The following PARPBP variants were observed in gnomAD, a reference collection of about 807,000 sequenced individuals.
The protein encoded by PARPBP is PARP1 binding protein.
In PARPBP, 52 loss-of-function variants were observed where a neutral mutation model predicts 50.0. The ratio of observed to expected loss-of-function variants is 1.04; its 90% CI spans 0.83 to 1.31. PARPBP has a LOEUF of 1.31. Among genes scored for constraint, PARPBP ranks in the 50% most tolerant of loss-of-function variants. The pLI, the probability that PARPBP is intolerant of heterozygous loss-of-function variation, is 0.00. For missense variants in PARPBP, 697 were observed against 672.0 expected, an observed-to-expected ratio of 1.04 and a Z score of -0.41; for synonymous variants, 244 against 232.1, an observed-to-expected ratio of 1.05 and a Z score of -0.47.
At chr12:102,182,977 ATGTG>A (rs1594616533) in intron 9 of PARPBP, among the ~76,000 whole-genome samples, 1 of 152,234 alleles carries the variant, frequency 6.6e-6, no homozygotes, top group East Asian at 1.9e-4. Flanking sequence ...ATCTCAAGAT[ATGTG>A]ATTTTAAATT....
chr12:102,146,123 GA>G (rs1320584083), intron 2 of PARPBP, among the ~76,000 whole-genome samples: 1 of 152,132 alleles, frequency 6.6e-6, no homozygotes, highest in Non-Finnish European at 1.5e-5. Flanking sequence ...TCAATATGGT[GA>G]AAATGGCCAT....
chr12:102,132,867 C>T (rs1003763489), intron 2 of PARPBP, among the ~76,000 whole-genome samples: 9 of 151,902 alleles, frequency 5.9e-5, no homozygotes, highest in Non-Finnish European at 1.0e-4. Context: ...GCAGATCTTT[C>T]ATCTTCTTGG....
chr12:102,126,379 A>G (rs1881997913), intron 2 of PARPBP, among the ~76,000 whole-genome samples: 1 of 152,210 alleles, frequency 6.6e-6, no homozygotes, highest in Non-Finnish European at 1.5e-5. Context: ...CTATTTAGTC[A>G]TGCTTTAAAA....
chr12:102,176,543 G>A (rs1465056300), intron 7 of PARPBP, among the ~76,000 whole-genome samples: 1 of 151,750 alleles, frequency 6.6e-6, no homozygotes, highest in Non-Finnish European at 1.5e-5. Context: ...TTTTTACAGA[G>A]ATAATTAAAT....
intron 9 of PARPBP, among the ~76,000 whole-genome samples, chr12:102,184,663 A>G (rs866512238): frequency 9.2e-5 from 14 of 152,206 alleles, no homozygotes; most frequent in African/African-American, 3.4e-4. Context: ...TAGTCTATAC[A>G]GCTCTGAATC....
chr12:102,176,008 G>C (rs1196024747), intron 7 of PARPBP, among the ~76,000 whole-genome samples: 1 of 149,622 alleles, frequency 6.7e-6, no homozygotes, highest in Non-Finnish European at 1.5e-5. Flanking sequence ...TTGAGACGGA[G>C]TTTCACTCTT....
intron 2 of PARPBP, 81 bp downstream of exon 2, chr12:102,124,122 G>C: frequency 1.1e-6 from 1 of 946,436 alleles, no homozygotes. Context: ...TTAAGCTTAA[G>C]AATATTAATT....
intron 2 of PARPBP, among the ~76,000 whole-genome samples, chr12:102,129,267 A>G (rs1291371317): frequency 2.0e-5 from 3 of 152,140 alleles, no homozygotes; most frequent in African/African-American, 2.4e-5. Flanking sequence ...GACTGTGGGC[A>G]TACGCCACTG....
At chr12:102,156,248 G>A (rs1404518169) in intron 4 of PARPBP, among the ~76,000 whole-genome samples, 3 of 139,658 alleles carry the variant, frequency 2.1e-5, no homozygotes, top group Non-Finnish European at 3.0e-5. Context: ...GTGCAGTGGC[G>A]CAATCTCGGC....
intron 2 of PARPBP, among the ~76,000 whole-genome samples, chr12:102,128,070 AAC>A (rs1882283344): frequency 6.6e-6 from 1 of 152,226 alleles, no homozygotes; most frequent in African/African-American, 2.4e-5. Context: ...TCAAGGATAC[AAC>A]AGTGTTATTA....
chr12:102,132,202 C>A (rs1431028692), intron 2 of PARPBP, among the ~76,000 whole-genome samples: 1 of 150,046 alleles, frequency 6.7e-6, no homozygotes, highest in Non-Finnish European at 1.5e-5. Flanking sequence ...CAGAGCGAGA[C>A]CCTGTCTCAA....
chr12:102,158,413 A>T (rs1463866320), intron 4 of PARPBP, among the ~76,000 whole-genome samples: 1 of 152,232 alleles, frequency 6.6e-6, no homozygotes, highest in African/African-American at 2.4e-5. Context: ...AGTTACACTC[A>T]TTAATCTTTG....
In PARPBP at chr12:102,124,053, A is replaced by C. The variant is rs1456753406; in HGVS notation, c.153+12A>C. On this transcript the variant is annotated intron_variant, in intron 2 of 10. Transcript: ENST00000327680. ...AGAACAACAAACAGGTTGGTAAACT[A>C]TATTTGGGTTAACTTGTTTTTTTAA... is the stretch of plus-strand genomic sequence containing the variant. 6.5e-7 allele frequency: 1 copy of C among 1,527,148 alleles called. No homozygotes were observed. Among genetic ancestry groups the C allele is most frequent in the Non-Finnish European group, 8.8e-7 (1 of 1,141,126 alleles). The allele number at this position is 1,527,148 out of a possible 1,614,324, so 94.6% of individuals were successfully genotyped here.
chr12:102,150,302 A>G (rs961818035), intron 3 of PARPBP: 13 of 454,332 alleles, frequency 2.9e-5, no homozygotes, highest in South Asian at 4.7e-5. Flanking sequence ...ACAGGAAAAT[A>G]TATCCCTAGA....
At chr12:102,130,824 C>T (rs769040766) in intron 2 of PARPBP, among the ~76,000 whole-genome samples, 1 of 150,550 alleles carries the variant, frequency 6.6e-6, no homozygotes, top group Non-Finnish European at 1.5e-5. Flanking sequence ...CACTGCACCA[C>T]AGCCCAGGCA....
chr12:102,123,014 T>A (rs1881393978), intron 1 of PARPBP, among the ~76,000 whole-genome samples: 1 of 152,210 alleles, frequency 6.6e-6, no homozygotes, highest in South Asian at 2.1e-4. Flanking sequence ...GGTGGGACAC[T>A]GCTTGGTGAT....
intron 1 of PARPBP, among the ~76,000 whole-genome samples, chr12:102,121,866 C>T (rs866613747): frequency 1.3e-5 from 2 of 152,180 alleles, no homozygotes; most frequent in Admixed American, 6.5e-5. Context: ...CTCAAAACAA[C>T]TTAGAAACTC....
At chr12:102,173,992 T>C (rs143269210) in intron 6 of PARPBP, among the ~76,000 whole-genome samples, 148 of 150,790 alleles carry the variant, frequency 9.8e-4, no homozygotes, top group African/African-American at 3.5e-3. Flanking sequence ...GTAAAATATA[T>C]ATCATTTGTC....
At chr12:102,139,655 C>T (rs142664826) in intron 2 of PARPBP, among the ~76,000 whole-genome samples, 8 of 152,282 alleles carry the variant, frequency 5.3e-5, no homozygotes, top group Non-Finnish European at 1.0e-4. Flanking sequence ...GAGATACTTC[C>T]CATCAGTACC....
Sources: gnomAD v4.1 joint callset for allele counts (sites outside exome capture counted in the v4.1 genomes callset) on GRCh38, gnomAD v4.1.1 for gene constraint, MANE v1.5 for transcripts, NCBI Gene and HGNC (gene_info 2026-07-23, HGNC 2026-07-21) for gene names.